Variants in SMYD2 observed in about 807,000 individuals in gnomAD.
SMYD2 encodes N-lysine methyltransferase SMYD2.
SMYD2 carries 53 observed loss-of-function variants against 59.1 expected under a neutral mutation model. The ratio of observed to expected loss-of-function variants is 0.90; its 90% confidence interval spans 0.72 to 1.13. The LOEUF (loss-of-function observed/expected upper bound fraction) is 1.13, where lower values mean the gene tolerates loss of function less well. Ranked by LOEUF, SMYD2 falls within the 50% of genes most tolerant of loss-of-function variation. The pLI is 0.00. For synonymous variants in SMYD2, 208 were observed against 198.8 expected (o/e 1.05, Z -0.39); for missense variants, 494 against 544.7 (o/e 0.91, Z 0.93).
chr1:214,320,756 T>C lies in SMYD2; in HGVS notation c.534+1773T>C, dbSNP rs546880027. Among the ~76,000 whole-genome samples the C allele has an allele frequency of 2.0e-5, 3 of 152,376 alleles. No individual in the cohort carries two copies. In the East Asian group the frequency reaches 5.8e-4, roughly 29 times the overall value. On this transcript the variant is annotated intron_variant, in intron 5 of 11. Coordinates refer to ENST00000366957, the MANE Select transcript of SMYD2 (RefSeq NM_020197.3). ...ATATATTTCAGTTATGTGACTGTCA[T>C]AATCAGAAAAATATGCGATTCCTTG...
Position 214,295,232 on chromosome 1 carries a change from A to T in SMYD2, c.174-9955A>T, listed in dbSNP as rs527536573. 3.3e-5 allele frequency among the ~76,000 whole-genome samples: 5 copies of T among 152,322 alleles called. No homozygotes were observed. In the East Asian group the frequency reaches 9.6e-4, roughly 29 times the overall value. On this transcript the variant is annotated intron_variant, in intron 1 of 11. Transcript: ENST00000366957. ...TTCCAGAGGAAAACATGAGATTTTA[A>T]AAGTGTGTACATTCATTCTTTGGAC...
intron 1 of SMYD2, among the ~76,000 whole-genome samples, chr1:214,289,675 G>C (rs1003513369): frequency 3.3e-5 from 5 of 152,212 alleles, no homozygotes; most frequent in African/African-American, 1.2e-4. Context: ...TAGGGAACTA[G>C]ACACACCTAG....
At chr1:214,316,820 G>C (rs915549698) in intron 3 of SMYD2, among the ~76,000 whole-genome samples, 1 of 152,130 alleles carries the variant, frequency 6.6e-6, no homozygotes, top group African/African-American at 2.4e-5. Flanking sequence ...TTCCCTGCAG[G>C]AGGTTAACTT....
At chr1:214,303,082 G>A (rs1240759287) in intron 1 of SMYD2, among the ~76,000 whole-genome samples, 1 of 152,108 alleles carries the variant, frequency 6.6e-6, no homozygotes, top group Non-Finnish European at 1.5e-5. Context: ...AGGGTTGGGG[G>A]AGAAGGTGGG....
intron 5 of SMYD2, among the ~76,000 whole-genome samples, chr1:214,319,618 C>A (rs754314124): frequency 7.2e-5 from 11 of 151,932 alleles, no homozygotes; most frequent in Non-Finnish European, 1.5e-4. Context: ...CAAGGCAAGC[C>A]TTGGGCATTG....
At chr1:214,293,618 T>C (rs1018546798) in intron 1 of SMYD2, among the ~76,000 whole-genome samples, 1 of 152,170 alleles carries the variant, frequency 6.6e-6, no homozygotes, top group Non-Finnish European at 1.5e-5. Context: ...ATTTGGATGC[T>C]GAATCATTTT....
intron 9 of SMYD2, 87 bp from the exon 10 acceptor site, chr1:214,331,931 G>C: frequency 8.2e-7 from 1 of 1,221,780 alleles, no homozygotes; most frequent in South Asian, 1.5e-5. Flanking sequence ...GGTGAGAGTG[G>C]AGTGGACGAA....
chr1:214,282,594 A>G (rs996726341), intron 1 of SMYD2, among the ~76,000 whole-genome samples: 4 of 152,128 alleles, frequency 2.6e-5, no homozygotes, highest in East Asian at 3.9e-4. Context: ...AGCATACTCA[A>G]TCTCTCAGAC....
chr1:214,318,230 G>A lies in SMYD2; in HGVS notation c.409+91G>A, dbSNP rs1381734358. 9.3e-6 allele frequency: 11 copies of A among 1,185,612 alleles called. No individual in the cohort carries two copies. The highest frequency in any genetic ancestry group is 1.3e-5 in the Non-Finnish European group (11 of 821,324). 73.4% of individuals were successfully genotyped at this position (1,185,612 alleles called of 1,614,324 possible). ...TTGAAGCGAGGACGGGCTAGTTTGT[G>A]CTCAGAGGAGTAGTGATTTCTTTGA... is the stretch of plus-strand genomic sequence containing the variant. On this transcript the variant is annotated intron_variant, in intron 4 of 11. Transcript: ENST00000366957. This position sits in a 1 kb window ranked among gnomAD's most constrained non-coding sequence, Gnocchi z 5.4.
rs1170967686 is a variant in SMYD2 at position 214,314,812 on chromosome 1, T to TG, written c.292dup (p.Glu98GlyfsTer38). 1.2e-6 allele frequency: 2 copies of TG among 1,614,028 alleles called. No individual in the cohort carries two copies. Among genetic ancestry groups the TG allele is most frequent in the African/African-American group, 2.7e-5 (2 of 74,930 alleles). On this transcript the variant is annotated frameshift_variant, in exon 3 of 12. Transcript: ENST00000366957. LOFTEE classifies it high-confidence loss of function. ...TGGAATGTTCTCCCATGGTTGTTTTTGGGGAAAACTGGAATCCCTCGGAGA... is the reference window on the plus strand; with the variant it reads ...TGGAATGTTCTCCCATGGTTGTTTTTGGGGGAAAACTGGAATCCCTCGGAGA...
At chr1:214,311,177 T>C (rs1488185968) in intron 2 of SMYD2, among the ~76,000 whole-genome samples, 3 of 152,194 alleles carry the variant, frequency 2.0e-5, no homozygotes, top group Non-Finnish European at 4.4e-5. Context: ...TCATCTCCCA[T>C]CCCTGCCTCT....
chr1:214,332,882 T>C (rs1571936242), intron 10 of SMYD2: 1 of 152,164 alleles, frequency 6.6e-6, no homozygotes, highest in African/African-American at 2.4e-5. Context: ...GGCACTGATA[T>C]TATGCATTTA....
chr1:214,316,113 G>A (rs930092220), intron 3 of SMYD2, among the ~76,000 whole-genome samples: 7 of 152,210 alleles, frequency 4.6e-5, no homozygotes, highest in Non-Finnish European at 1.0e-4. Context: ...AGGCTGTGGA[G>A]GTCTTGCTCC....
chr1:214,329,691 C>T (rs1657319355), intron 7 of SMYD2, among the ~76,000 whole-genome samples: 1 of 152,140 alleles, frequency 6.6e-6, no homozygotes, highest in South Asian at 2.1e-4. Context: ...GCTCCATTGC[C>T]AGTTGATGTG....
chr1:214,329,582 G>A (rs565333344), intron 7 of SMYD2, among the ~76,000 whole-genome samples: 2 of 152,058 alleles, frequency 1.3e-5, no homozygotes, highest in East Asian at 1.9e-4. Flanking sequence ...GGAGCTGCCC[G>A]CTGGGCCAGG....
chr1:214,322,861 G>T (rs929717388), intron 5 of SMYD2, among the ~76,000 whole-genome samples: 1 of 152,172 alleles, frequency 6.6e-6, no homozygotes, highest in Non-Finnish European at 1.5e-5. Context: ...GGATTTATGG[G>T]ATGGTAAATC....
chr1:214,281,449 C>CG, intron 1 of SMYD2, 22 bp downstream of exon 1: 1 of 1,372,648 alleles, frequency 7.3e-7, no homozygotes, highest in South Asian at 1.9e-5. Flanking sequence ...GCGGCGGCGG[C>CG]GGCGGGCGGG....
chr1:214,289,424 T>G (rs556001704), intron 1 of SMYD2, among the ~76,000 whole-genome samples: 55 of 152,360 alleles, frequency 3.6e-4, no homozygotes, highest in African/African-American at 1.2e-3. Context: ...ATGCTTTGTC[T>G]TCCTGGAGTC....
At chr1:214,303,751 A>G (rs558078570) in intron 1 of SMYD2, among the ~76,000 whole-genome samples, 1 of 152,350 alleles carries the variant, frequency 6.6e-6, no homozygotes, top group Non-Finnish European at 1.5e-5. Flanking sequence ...GCAGCGTGAC[A>G]ATATGTATAT....
Sources: gnomAD v4.1 joint callset for allele counts (sites outside exome capture counted in the v4.1 genomes callset) on GRCh38, gnomAD v4.1.1 for gene constraint, Gnocchi (gnomAD v3.1) non-coding constraint, MANE v1.5 for transcripts, NCBI Gene and HGNC (gene_info 2026-07-23, HGNC 2026-07-21) for gene names.